Variants in CCN4 observed in about 807,000 individuals in gnomAD.
The protein encoded by CCN4 is cellular communication network factor 4.
CCN4 carries 30 observed loss-of-function variants against 36.7 expected under a neutral mutation model. That is an observed-to-expected ratio of 0.82 (90% confidence interval 0.61 to 1.11). The LOEUF is 1.11. CCN4 is among the 50% of genes least tolerant of loss of function. The pLI is 0.00. For missense variants in CCN4, 505 were observed against 504.9 expected (o/e 1.00, Z 0.00); for synonymous variants, 191 against 195.4 (o/e 0.98, Z 0.19).
chr8:133,212,974 C>A lies in CCN4; in HGVS notation c.180C>A (p.Pro60=), dbSNP rs138500919. The A allele has an allele frequency of 7.7e-5, 124 of 1,614,014 alleles. 2 individuals are homozygous for A. Among genetic ancestry groups the A allele is most frequent in the Non-Finnish European group, 2.0e-5 (24 of 1,180,010 alleles). Residue 60 remains proline, a synonymous_variant, in exon 2 of 5, where the codon CCC becomes CCA. Coordinates refer to ENST00000250160, the MANE Select transcript of CCN4 (RefSeq NM_003882.4). The stretch of plus-strand genomic sequence containing the variant: ...CATGTGAGTGCCCGCCATCCCCACC[C>A]CGCTGCCCGCTGGGGGTCAGCCTCA... ...KWPCECPPSP[P]RCPLGVSLIT... is the part of the protein sequence containing the mutation.
intron 3 of CCN4, among the ~76,000 whole-genome samples, chr8:133,222,892 A>G (rs1355356220): frequency 6.6e-6 from 1 of 151,924 alleles, no homozygotes; most frequent in Non-Finnish European, 1.5e-5. Flanking sequence ...TCTTGGATGA[A>G]GGAATTCTTT....
rs763589992 is a variant in CCN4, at chr8:133,213,183, A to T, written c.349+40A>T. On this transcript the variant is annotated intron_variant, in intron 2 of 4. Transcript: ENST00000250160. ...CATACCTTCTGACCAGCCCCTGAGC[A>T]CCCCCAGCTCTGGCCCCAAACCCCT... is the stretch of plus-strand genomic sequence containing the variant. 15 of 1,566,078 alleles carry T rather than the reference A, an allele frequency of 9.6e-6. 2 individuals are homozygous for T. The Middle Eastern group carries it at 1.0e-3, about 107-fold the overall frequency.
chr8:133,208,116 C>T (rs929069739), intron 1 of CCN4, among the ~76,000 whole-genome samples: 1 of 151,800 alleles, frequency 6.6e-6, no homozygotes, highest in African/African-American at 2.4e-5. Context: ...CATAAGCAAG[C>T]CACTTTACTG....
chr8:133,226,624 C>G (rs1564268689), intron 4 of CCN4, among the ~76,000 whole-genome samples: 1 of 152,230 alleles, frequency 6.6e-6, no homozygotes, highest in Non-Finnish European at 1.5e-5. Context: ...AGGTCGTTAG[C>G]TGAGTGAGAT....
chr8:133,209,666 G>A (rs1853920729), intron 1 of CCN4, among the ~76,000 whole-genome samples: 1 of 152,212 alleles, frequency 6.6e-6, no homozygotes, highest in Non-Finnish European at 1.5e-5. Flanking sequence ...CCAGGAGTGG[G>A]ATACCCACCC....
chr8:133,207,966 C>A (rs1437469510), intron 1 of CCN4, among the ~76,000 whole-genome samples: 1 of 150,558 alleles, frequency 6.6e-6, no homozygotes, highest in Non-Finnish European at 1.5e-5. Flanking sequence ...ATTACTTCCA[C>A]TGATGGTGCA....
intron 1 of CCN4, among the ~76,000 whole-genome samples, chr8:133,205,719 G>A (rs1021264062): frequency 6.6e-6 from 1 of 152,188 alleles, no homozygotes; most frequent in Admixed American, 6.5e-5. Flanking sequence ...AGGGGCCCAA[G>A]CAAGCATCCT....
chr8:133,231,288 C>G lies in CCN4; in HGVS notation c.*3578C>G, dbSNP rs74818902. On this transcript the variant is annotated 3_prime_UTR_variant, in exon 5 of 5. Transcript: ENST00000250160. ...ATGATAACCCTGCATATCTGGGAAT[C>G]ATAAGTCAACTATGTATCCCTGTGT... The G allele has an allele frequency of 1.5e-3, 227 of 152,194 alleles. No individual in the cohort carries two copies. The highest frequency in any genetic ancestry group is 4.8e-3 in the African/African-American group (201 of 41,510). 9.4% of individuals were successfully genotyped at this position (152,194 alleles called of 1,614,324 possible).
Position 133,197,013 on chromosome 8 carries a change from C to T in CCN4, c.69+5800C>T, listed in dbSNP as rs75979773. 3.8e-3 allele frequency among the ~76,000 whole-genome samples: 583 copies of T among 152,234 alleles called. 2 individuals carry two copies. The highest frequency in any genetic ancestry group is 0.013 in the African/African-American group (556 of 41,538). On this transcript the variant is annotated intron_variant, in intron 1 of 4. Transcript: ENST00000250160. ...CCCACAGATTCCATAGCCTGGCCAGCTTACCTGGCACATTTAGAGGGTCAG... is the reference window on the plus strand; with the variant it reads ...CCCACAGATTCCATAGCCTGGCCAGTTTACCTGGCACATTTAGAGGGTCAG...
At chr8:133,207,059 C>T (rs575785406) in intron 1 of CCN4, among the ~76,000 whole-genome samples, 283 of 152,284 alleles carry the variant, frequency 1.9e-3, no homozygotes, top group African/African-American at 6.6e-3. Flanking sequence ...TAGAGTCAAG[C>T]ACTTCAGACT....
chr8:133,203,454 A>G (rs950750350), intron 1 of CCN4, among the ~76,000 whole-genome samples: 1 of 152,170 alleles, frequency 6.6e-6, no homozygotes, highest in Non-Finnish European at 1.5e-5. Context: ...ACTCTGGGTC[A>G]ATAGACCACC....
intron 1 of CCN4, among the ~76,000 whole-genome samples, chr8:133,211,232 TAGTAAATCCCTCGAGTTGC>T (rs1387803421): frequency 2.0e-5 from 3 of 152,164 alleles, no homozygotes; most frequent in Admixed American, 1.3e-4. Flanking sequence ...GCACTTTGCG[TAGTAAATCCCTCGAGTTGC>T]AGTAAATCCC....
chr8:133,223,293 G>A lies in CCN4; in HGVS notation c.611-2097G>A, dbSNP rs1588205304. Among the ~76,000 whole-genome samples the A allele has an allele frequency of 3.3e-5, 5 of 152,222 alleles. No homozygotes were observed. In the South Asian group the frequency reaches 1.0e-3, roughly 32 times the overall value. Reference sequence around the variant, plus strand: ...CTGACCGAGCACAAGCGGAGCCCCTGCCTAGCCGAGGTGACCCAAAAACCA... The same window carrying A: ...CTGACCGAGCACAAGCGGAGCCCCTACCTAGCCGAGGTGACCCAAAAACCA... On this transcript the variant is annotated intron_variant, in intron 3 of 4. Coordinates refer to ENST00000250160, the MANE Select transcript of CCN4 (RefSeq NM_003882.4).
Position 133,220,688 on chromosome 8 carries a change from T to C in CCN4, c.457T>C (p.Cys153Arg). 1 of 1,613,930 alleles carries C rather than the reference T, an allele frequency of 6.2e-7. No homozygotes were observed. Among genetic ancestry groups the C allele is most frequent in the East Asian group, 2.2e-5 (1 of 44,866 alleles). ...CACGTGCATCGACGGCGCGGTGGGC[T>C]GCACACCACTGTGCCTCCGAGTGCG... ...NCTCIDGAVG[C>R]TPLCLRVRPP... The change falls in exon 3 of 5, where the codon TGC becomes CGC. Residue 153 changes from cysteine to arginine, a missense_variant. Physicochemically the swap from Cys to Arg is radical, Grantham distance 180. Transcript: ENST00000250160.
chr8:133,220,890 G>A, intron 3 of CCN4, 49 bp downstream of exon 3: 1 of 1,554,878 alleles, frequency 6.4e-7, no homozygotes, highest in Non-Finnish European at 8.7e-7. Flanking sequence ...CAAATGGGTT[G>A]TGGACCCTCC....
chr8:133,191,196 A>G lies in CCN4; in HGVS notation c.52A>G (p.Ser18Gly). Residue 18 changes from serine (S) to glycine (G), a missense_variant, in exon 1 of 5, where the codon AGC becomes GGC. By Grantham distance (56) the Ser-to-Gly change is moderately conservative. Transcript: ENST00000250160. Reference sequence around the variant, plus strand: ...GGCAGCAGTGACAGCAGCAGCCGCCAGCACCGTCCTGGCCACGGTGAGTCC... The same window carrying G: ...GGCAGCAGTGACAGCAGCAGCCGCCGGCACCGTCCTGGCCACGGTGAGTCC... ...TLAAVTAAAA[S>G]TVLATALSPA... is the part of the protein sequence containing the mutation. 1 of 1,606,488 alleles carries G rather than the reference A, an allele frequency of 6.2e-7. No homozygotes were observed.
At chr8:133,197,273 C>A (rs560387336) in intron 1 of CCN4, among the ~76,000 whole-genome samples, 1 of 152,180 alleles carries the variant, frequency 6.6e-6, no homozygotes, top group African/African-American at 2.4e-5. Context: ...GGTGAGTGGT[C>A]TCTCTGTGTT....
At chr8:133,210,123 G>A (rs1288917345) in intron 1 of CCN4, among the ~76,000 whole-genome samples, 2 of 152,142 alleles carry the variant, frequency 1.3e-5, no homozygotes, top group Admixed American at 6.5e-5. Flanking sequence ...CACATATGAA[G>A]CCCTACTGTG....
chr8:133,211,895 G>A (rs1178929184), intron 1 of CCN4, among the ~76,000 whole-genome samples: 1 of 152,190 alleles, frequency 6.6e-6, no homozygotes, highest in East Asian at 1.9e-4. Flanking sequence ...GCACAGATGG[G>A]ATTCAGGGGG....
Sources: allele counts gnomAD v4.1 joint callset (sites outside exome capture counted in the v4.1 genomes callset), GRCh38; gene constraint gnomAD v4.1.1; transcripts MANE v1.5; gene names NCBI Gene and HGNC (gene_info 2026-07-23, HGNC 2026-07-21).